Variants in TMC1 observed in about 807,000 individuals in gnomAD.
The protein encoded by TMC1 is transmembrane channel like 1, also known as transmembrane channel-like protein 1.
A neutral mutation model predicts 105.8 loss-of-function variants in TMC1; 84 were observed. The observed-to-expected ratio is 0.79, with a 90% confidence interval of 0.67 to 0.95. TMC1 has a LOEUF of 0.95. Among genes scored for constraint, TMC1 ranks in the 40% least tolerant of loss-of-function variants. The probability of loss-of-function intolerance (pLI) is 0.00; values close to 1 mark genes in which losing one functional copy is unlikely to be tolerated. For synonymous variants in TMC1, 315 were observed against 311.5 expected (o/e 1.01, Z -0.12); for missense variants, 817 against 914.1 (o/e 0.89, Z 1.37).
chr9:72,654,516 G>A (rs371915595), intron 5 of TMC1, among the ~76,000 whole-genome samples: 21 of 151,260 alleles, frequency 1.4e-4, no homozygotes, highest in Non-Finnish European at 2.2e-4. Flanking sequence ...TTCCATTTTA[G>A]TGGGTTTACA....
At chr9:72,574,029 G>A (rs1413624389) in intron 1 of TMC1, among the ~76,000 whole-genome samples, 1 of 152,174 alleles carries the variant, frequency 6.6e-6, no homozygotes, top group Non-Finnish European at 1.5e-5. Context: ...ACTTATATGT[G>A]AGAACACGCA....
Position 72,680,108 on chromosome 9 carries a change from C to A in TMC1, c.17-8601C>A, listed in dbSNP as rs548929742. On this transcript the variant is annotated intron_variant, in intron 5 of 23. Transcript: ENST00000297784. ...GTTCCAACTAACAAACCATCTGGTG[C>A]TAGTCTAAGATAGAGATGGCTGAAG... is the stretch of plus-strand genomic sequence containing the variant. 1.2e-4 allele frequency among the ~76,000 whole-genome samples: 18 copies of A among 152,186 alleles called. 1 individual carries two copies. The South Asian group carries it at 3.7e-3, about 32-fold the overall frequency.
chr9:72,526,373 A>C (rs150463704), intron 1 of TMC1, among the ~76,000 whole-genome samples: 1 of 152,226 alleles, frequency 6.6e-6, no homozygotes, highest in Non-Finnish European at 1.5e-5. Flanking sequence ...GAACACAGTA[A>C]AAAACCCTCA....
At chr9:72,643,409 A>G (rs1224332812) in intron 4 of TMC1, among the ~76,000 whole-genome samples, 3 of 152,208 alleles carry the variant, frequency 2.0e-5, no homozygotes, top group African/African-American at 7.2e-5. Flanking sequence ...CCATATGTAT[A>G]CACAATGAAA....
intron 12 of TMC1, among the ~76,000 whole-genome samples, chr9:72,756,411 G>A (rs1040528161): frequency 1.3e-5 from 2 of 152,284 alleles, no homozygotes; most frequent in African/African-American, 4.8e-5. Context: ...GATGGCCTCT[G>A]AGTTGGATTT....
intron 19 of TMC1, among the ~76,000 whole-genome samples, 177 bp downstream of exon 19, chr9:72,816,387 C>A (rs1464650299): frequency 2.6e-5 from 4 of 152,160 alleles, no homozygotes; most frequent in African/African-American, 9.7e-5. Flanking sequence ...AAATGTCAGT[C>A]ATCAAAGGTG....
intron 6 of TMC1, among the ~76,000 whole-genome samples, chr9:72,690,608 G>C (rs1826449244): frequency 1.3e-5 from 2 of 152,068 alleles, no homozygotes; most frequent in South Asian, 4.1e-4. Flanking sequence ...AGCTTTCTTG[G>C]TTGGCAGGTT....
intron 20 of TMC1, among the ~76,000 whole-genome samples, chr9:72,822,516 G>T (rs1183406157): frequency 1.6e-5 from 1 of 61,692 alleles, no homozygotes; most frequent in Non-Finnish European, 3.4e-5. Flanking sequence ...TAATTCCGTT[G>T]TGTGTGTGTG....
At chr9:72,732,023 T>A (rs1233010156) in intron 8 of TMC1, among the ~76,000 whole-genome samples, 1 of 152,188 alleles carries the variant, frequency 6.6e-6, no homozygotes, top group Non-Finnish European at 1.5e-5. Flanking sequence ...CCACATTCCT[T>A]TATCTCTCTT....
At chr9:72,536,602 G>A (rs1356161880) in intron 1 of TMC1, among the ~76,000 whole-genome samples, 1 of 152,174 alleles carries the variant, frequency 6.6e-6, no homozygotes, top group African/African-American at 2.4e-5. Flanking sequence ...AAAGTGCTGG[G>A]ATTACAGACG....
intron 2 of TMC1, among the ~76,000 whole-genome samples, chr9:72,599,295 T>G (rs1824768492): frequency 6.6e-6 from 1 of 152,140 alleles, no homozygotes; most frequent in South Asian, 2.1e-4. Flanking sequence ...CTTCCCAAAG[T>G]GCTGGGATTA....
chr9:72,788,422 A>G lies in TMC1; in HGVS notation c.968A>G (p.Tyr323Cys), dbSNP rs746724027. Residue 323 changes from tyrosine (Y) to cysteine (C), a missense_variant, in exon 14 of 24, where the codon TAC becomes TGC. Tyr to Cys is a radical substitution (Grantham distance 194, BLOSUM62 -2). Transcript: ENST00000297784. ...FSWKVFTSWDYLIGNPETADN... is the reference protein window; with the variant it reads ...FSWKVFTSWDCLIGNPETADN... Reference sequence around the variant, plus strand: ...TGGAAGGTCTTTACCAGCTGGGACTACCTGATCGGCAATCCTGAAACAGCA... The same window carrying G: ...TGGAAGGTCTTTACCAGCTGGGACTGCCTGATCGGCAATCCTGAAACAGCA... 82 of 1,613,954 alleles carry G rather than the reference A, an allele frequency of 5.1e-5. No individual in the cohort carries two copies. The highest frequency in any genetic ancestry group is 4.2e-5 in the Non-Finnish European group (50 of 1,179,940).
intron 7 of TMC1, 142 bp from the exon 8 acceptor site, chr9:72,700,376 T>C: frequency 1.9e-6 from 1 of 533,616 alleles, no homozygotes; most frequent in South Asian, 2.5e-5. Flanking sequence ...AGATTTGAGT[T>C]CTCATGCTTA....
intron 2 of TMC1, among the ~76,000 whole-genome samples, chr9:72,602,325 A>G (rs1034671925): frequency 1.4e-5 from 2 of 148,120 alleles, no homozygotes; most frequent in South Asian, 2.1e-4. Flanking sequence ...TTGAACCCAG[A>G]TTTGATATGC....
intron 7 of TMC1, among the ~76,000 whole-genome samples, chr9:72,695,907 T>C (rs994818988): frequency 5.3e-5 from 8 of 152,200 alleles, no homozygotes; most frequent in African/African-American, 1.9e-4. Context: ...TTAAAGTTTC[T>C]TTATGCTTTA....
intron 5 of TMC1, among the ~76,000 whole-genome samples, chr9:72,649,041 G>C (rs1825759614): frequency 6.6e-6 from 1 of 152,170 alleles, no homozygotes; most frequent in African/African-American, 2.4e-5. Context: ...TTTTTGAAAG[G>C]GGATGTGTTC....
chr9:72,661,513 TG>T (rs1292042429), intron 5 of TMC1, among the ~76,000 whole-genome samples: 1 of 152,218 alleles, frequency 6.6e-6, no homozygotes, highest in Non-Finnish European at 1.5e-5. Flanking sequence ...AAGCCTCACT[TG>T]ATTACTGCCT....
At chr9:72,770,103 G>T (rs1293989663) in intron 12 of TMC1, among the ~76,000 whole-genome samples, 1 of 151,968 alleles carries the variant, frequency 6.6e-6, no homozygotes, top group Admixed American at 6.6e-5. Flanking sequence ...AAGATTTCTG[G>T]GTCTTGGGGA....
At chr9:72,691,256 A>T (rs1438738924) in intron 6 of TMC1, among the ~76,000 whole-genome samples, 1 of 152,076 alleles carries the variant, frequency 6.6e-6, no homozygotes, top group African/African-American at 2.4e-5. Context: ...TTTGTTGAGC[A>T]TCTTTATGAG....
Sources: allele counts gnomAD v4.1 joint callset (sites outside exome capture counted in the v4.1 genomes callset), GRCh38; gene constraint gnomAD v4.1.1; transcripts MANE v1.5; gene names NCBI Gene and HGNC (gene_info 2026-07-23, HGNC 2026-07-21).